Variants in DDX46 observed in about 807,000 individuals in gnomAD.
DDX46 encodes DEAD-box helicase 46.
DDX46 carries 30 observed loss-of-function variants against 134.9 expected under a neutral mutation model. The observed-to-expected ratio is 0.22, with a 90% confidence interval of 0.17 to 0.30. The LOEUF (loss-of-function observed/expected upper bound fraction) is 0.30, where lower values mean the gene tolerates loss of function less well. Among genes scored for constraint, DDX46 ranks in the 10% least tolerant of loss-of-function variants. The pLI is 1.00. For missense variants in DDX46, 622 were observed against 1,248.7 expected (o/e 0.50, Z 7.56); for synonymous variants, 415 against 404.1 (o/e 1.03, Z -0.32).
In DDX46 at chr5:134,782,043, C is replaced by T. The variant is rs143619246; in HGVS notation, c.1002C>T (p.Asn334=). Residue 334 remains asparagine (N), a synonymous_variant, in exon 8 of 23, where the codon AAC becomes AAT. Transcript: ENST00000452510. The part of the protein sequence containing the change: ...GKIEYEPFRK[N]FYVEVPELAK... The stretch of plus-strand genomic sequence containing the variant: ...TTGAGTATGAGCCATTTAGGAAAAA[C>T]TTCTATGTTGAAGTTCCAGAACTAG... The T allele has an allele frequency of 5.2e-4, 830 of 1,592,200 alleles. 3 individuals carry two copies. In the African/African-American group the frequency reaches 8.9e-3, roughly 17 times the overall value.
In DDX46 at chr5:134,791,424, G is replaced by C. The variant is rs112555180; in HGVS notation, c.1626+872G>C. Among the ~76,000 whole-genome samples, 560 of 152,250 alleles carry C rather than the reference G, an allele frequency of 3.7e-3. 6 individuals are homozygous for C. Among genetic ancestry groups the C allele is most frequent in the Non-Finnish European group, 5.1e-3 (347 of 68,016 alleles). ...AAATACAAAAAAATTAGCCGGGCTT[G>C]GTGGCAGGCGCCTGTAGTCCCAGCT... On this transcript the variant is annotated intron_variant, in intron 13 of 22. Transcript: ENST00000452510.
Position 134,781,150 on chromosome 5 carries a change from C to A in DDX46, c.783C>A (p.Val261=). Residue 261 remains valine (V), a synonymous_variant, in exon 7 of 23, where the codon GTC becomes GTA. Coordinates refer to ENST00000452510, the MANE Select transcript of DDX46 (RefSeq NM_001300860.2). ...GGNEKKSGPT[V]TKVVTVVTTK... is the part of the protein sequence containing the mutation. ...TATTTTAGAAGTCTGGGCCAACGGT[C>A]ACAAAAGTTGTCACTGTTGTGACAA... is the stretch of plus-strand genomic sequence containing the variant. 1.3e-6 allele frequency: 2 copies of A among 1,581,274 alleles called. No homozygotes were observed. The highest frequency in any genetic ancestry group is 2.4e-5 in the South Asian group (2 of 84,164).
At chr5:134,807,410 A>G (rs1339729702) in intron 15 of DDX46, among the ~76,000 whole-genome samples, 1 of 152,134 alleles carries the variant, frequency 6.6e-6, no homozygotes, top group Non-Finnish European at 1.5e-5. Context: ...CCTACAGGGA[A>G]AGGAGAAAGA....
In DDX46 at chr5:134,811,897, C is replaced by T. The variant is rs1338109268; in HGVS notation, c.2436+52C>T. 8 of 1,576,852 alleles carry T rather than the reference C, an allele frequency of 5.1e-6. No individual in the cohort carries two copies. In the African/African-American group the frequency reaches 6.8e-5, roughly 13 times the overall value. ...AATTGAAGCAGTTATTTCTTTTGTA[C>T]TGGAGGTCTTGCCATATATGGTTAT... is the stretch of plus-strand genomic sequence containing the variant. On this transcript the variant is annotated intron_variant, in intron 18 of 22. Transcript: ENST00000452510.
chr5:134,781,691 A>G (rs942693333), intron 7 of DDX46, among the ~76,000 whole-genome samples: 3 of 152,178 alleles, frequency 2.0e-5, no homozygotes, highest in Non-Finnish European at 4.4e-5. Flanking sequence ...GAGCTGCTTG[A>G]TACGTTTCTA....
intron 13 of DDX46, 146 bp downstream of exon 13, chr5:134,790,698 G>GA: frequency 1.5e-6 from 1 of 649,770 alleles, no homozygotes; most frequent in East Asian, 2.9e-5. Flanking sequence ...ATACAGTATT[G>GA]AAGTACATAT....
chr5:134,802,494 A>G (rs1278168231), intron 15 of DDX46, among the ~76,000 whole-genome samples: 1 of 140,486 alleles, frequency 7.1e-6, no homozygotes, highest in Non-Finnish European at 1.5e-5. Flanking sequence ...TGTCAACATT[A>G]TCGTTTTTTT....
At chr5:134,798,167 C>T (rs913850941) in intron 15 of DDX46, among the ~76,000 whole-genome samples, 2 of 150,648 alleles carry the variant, frequency 1.3e-5, no homozygotes, top group Non-Finnish European at 3.0e-5. Context: ...ATCCCCGCCC[C>T]CCACCGTTTT....
chr5:134,798,843 T>C (rs767365433), intron 15 of DDX46, among the ~76,000 whole-genome samples: 5 of 152,250 alleles, frequency 3.3e-5, no homozygotes, highest in Non-Finnish European at 7.3e-5. Flanking sequence ...TATTCCATTG[T>C]ATGTATATAC....
intron 18 of DDX46, among the ~76,000 whole-genome samples, chr5:134,813,869 C>T (rs1473500441): frequency 1.3e-5 from 2 of 151,956 alleles, no homozygotes; most frequent in Non-Finnish European, 2.9e-5. Context: ...AAGTGATCCT[C>T]CTGCCTCAGC....
In DDX46 at chr5:134,810,104, G is replaced by A. The variant is rs368114354; in HGVS notation, c.2149-1117G>A. ...TTTTTTACATTTTTGTGGAGATGTGGTCTTGCCATTTTTGCCCAGGCTGGC... is the reference window on the plus strand; with the variant it reads ...TTTTTTACATTTTTGTGGAGATGTGATCTTGCCATTTTTGCCCAGGCTGGC... On this transcript the variant is annotated intron_variant, in intron 16 of 22. Coordinates refer to ENST00000452510, the MANE Select transcript of DDX46 (RefSeq NM_001300860.2). Among the ~76,000 whole-genome samples, 9 of 151,948 alleles carry A rather than the reference G, an allele frequency of 5.9e-5. No individual in the cohort carries two copies. In the South Asian group the frequency reaches 1.7e-3, roughly 28 times the overall value.
rs1580813280 is a variant in DDX46 at position 134,811,153 on chromosome 5, T to C, written c.2149-68T>C. 6.5e-6 allele frequency: 9 copies of C among 1,392,966 alleles called. No individual in the cohort carries two copies. In the East Asian group the frequency reaches 7.0e-5, roughly 11 times the overall value. The allele number at this position is 1,392,966 out of a possible 1,614,324, so 86.3% of individuals were successfully genotyped here. ...AGGATTTATTAGGTGGATCAGATTT[T>C]ATCTTATGATCTAAGTAGGATCCAT... On this transcript the variant is annotated intron_variant, in intron 16 of 22. Coordinates refer to ENST00000452510, the MANE Select transcript of DDX46 (RefSeq NM_001300860.2).
intron 13 of DDX46, among the ~76,000 whole-genome samples, chr5:134,790,819 C>T (rs1016939452): frequency 8.5e-5 from 13 of 152,058 alleles, no homozygotes; most frequent in Non-Finnish European, 1.9e-4. Context: ...AATAATAGAG[C>T]TTAAGCCTTA....
intron 15 of DDX46, among the ~76,000 whole-genome samples, chr5:134,801,745 T>G (rs1040532997): frequency 6.6e-6 from 1 of 152,154 alleles, no homozygotes; most frequent in African/African-American, 2.4e-5. Flanking sequence ...TTGTATGGAT[T>G]TATCACTGTT....
chr5:134,780,134 G>A (rs1270994983), intron 6 of DDX46, among the ~76,000 whole-genome samples: 2 of 146,680 alleles, frequency 1.4e-5, no homozygotes, highest in South Asian at 4.8e-4. Flanking sequence ...GTGTGTGTGT[G>A]TGTGTATATG....
chr5:134,776,656 C>T (rs951084671), intron 5 of DDX46, among the ~76,000 whole-genome samples: 10 of 152,092 alleles, frequency 6.6e-5, no homozygotes, highest in Non-Finnish European at 1.5e-4. Flanking sequence ...GTGGCTCACG[C>T]CTGTAATCCC....
chr5:134,769,085 A>G (rs752309569), intron 3 of DDX46, among the ~76,000 whole-genome samples: 12 of 152,134 alleles, frequency 7.9e-5, no homozygotes, highest in Non-Finnish European at 1.8e-4. Flanking sequence ...TCATTAGAAC[A>G]TTAGAACATT....
intron 9 of DDX46, among the ~76,000 whole-genome samples, 171 bp downstream of exon 9, chr5:134,783,236 G>GT (rs946376088): frequency 2.1e-4 from 31 of 150,320 alleles, no homozygotes; most frequent in Admixed American, 9.3e-4. Flanking sequence ...TATACAACTG[G>GT]TTTTTTTTTG....
chr5:134,790,674 A>G, intron 13 of DDX46, 122 bp downstream of exon 13: 1 of 792,540 alleles, frequency 1.3e-6, no homozygotes, highest in Admixed American at 2.6e-5. Context: ...ACGGTAATAC[A>G]GAAGACTGGG....
Sources: gnomAD v4.1 joint callset for allele counts (sites outside exome capture counted in the v4.1 genomes callset) on GRCh38, gnomAD v4.1.1 for gene constraint, MANE v1.5 for transcripts, NCBI Gene and HGNC (gene_info 2026-07-23, HGNC 2026-07-21) for gene names.